PDE8B: variants seen among roughly 807,000 people sequenced by gnomAD.
PDE8B encodes the protein phosphodiesterase 8B.
Under a neutral mutation model 101.3 loss-of-function variants are expected in PDE8B, and 26 were observed. The ratio of observed to expected loss-of-function variants is 0.26; its 90% CI spans 0.19 to 0.36. PDE8B has a LOEUF of 0.36. Among genes scored for constraint, PDE8B ranks in the 10% least tolerant of loss-of-function variants. The pLI is 1.00. For missense variants in PDE8B, 810 were observed against 1,163.1 expected (o/e 0.70, Z 4.42); for synonymous variants, 424 against 429.3 (o/e 0.99, Z 0.15).
the PDE8B span, among the ~76,000 whole-genome samples, chr5:77,182,291 T>A: frequency 2.0e-5 from 3 of 149,688 alleles, no homozygotes; most frequent in Admixed American, 1.3e-4. Context: ...ACTAGATCAG[T>A]GGGTGAATTG....
At chr5:77,344,163 C>A (rs1212175969) in intron 6 of PDE8B, among the ~76,000 whole-genome samples, 1 of 152,178 alleles carries the variant, frequency 6.6e-6, no homozygotes, top group Non-Finnish European at 1.5e-5. Context: ...AATAGTATAG[C>A]AAATACATAA....
chr5:77,343,537 G>A (rs1779597192), intron 6 of PDE8B, among the ~76,000 whole-genome samples: 1 of 152,202 alleles, frequency 6.6e-6, no homozygotes, highest in Non-Finnish European at 1.5e-5. Flanking sequence ...AAGGCACTTA[G>A]CATGAATGGA....
At chr5:77,403,654 G>T (rs1417201010) in intron 11 of PDE8B, among the ~76,000 whole-genome samples, 3 of 151,926 alleles carry the variant, frequency 2.0e-5, no homozygotes, top group African/African-American at 7.2e-5. Context: ...TACTAAGGAA[G>T]ATAAAAATTA....
chr5:77,425,542 G>GA (rs1797869531), intron 20 of PDE8B, among the ~76,000 whole-genome samples: 1 of 152,162 alleles, frequency 6.6e-6, no homozygotes, highest in Non-Finnish European at 1.5e-5. Context: ...AACAGAGTGA[G>GA]ACACTGTCTC....
rs1748411673 is a variant in PDE8B at position 77,211,542 on chromosome 5, TC to T, written c.339+280del. 6.6e-6 allele frequency among the ~76,000 whole-genome samples: 1 copy of T among 152,228 alleles called. No individual in the cohort carries two copies. The highest frequency in any genetic ancestry group is 6.5e-5 in the Admixed American group (1 of 15,288). ...GAAGGAAGCAGGTGGGCTGGCCTGT[TC>T]CTCCTTGAGGGCAGGAAGGCTGTGG... On this transcript the variant is annotated intron_variant, in intron 1 of 21. Transcript: ENST00000264917. The surrounding 1 kb of genome is among the most constrained non-coding windows in gnomAD (Gnocchi z 4.1).
chr5:77,214,174 C>G (rs1304826972), intron 1 of PDE8B, among the ~76,000 whole-genome samples: 1 of 152,218 alleles, frequency 6.6e-6, no homozygotes, highest in Non-Finnish European at 1.5e-5. Context: ...GGTTGAACCT[C>G]TCTCTGGGAA....
chr5:77,416,577 C>A (rs775431398), intron 17 of PDE8B, among the ~76,000 whole-genome samples: 14 of 116,542 alleles, frequency 1.2e-4, no homozygotes, highest in Non-Finnish European at 2.1e-4. Context: ...CTTCTGCTGT[C>A]CCTATTCAGG....
chr5:77,342,303 A>G (rs1467389747), intron 6 of PDE8B, among the ~76,000 whole-genome samples: 2 of 152,172 alleles, frequency 1.3e-5, no homozygotes, highest in African/African-American at 2.4e-5. Context: ...GATCTTTACA[A>G]AAACCTGTGA....
chr5:77,270,492 C>T (rs1165752862), intron 1 of PDE8B, among the ~76,000 whole-genome samples: 1 of 152,280 alleles, frequency 6.6e-6, no homozygotes, highest in African/African-American at 2.4e-5. Context: ...TCCCCATATT[C>T]CCTCTTACCG....
intron 1 of PDE8B, among the ~76,000 whole-genome samples, chr5:77,229,681 G>A (rs1753152736): frequency 6.6e-6 from 1 of 152,058 alleles, no homozygotes; most frequent in African/African-American, 2.4e-5. Context: ...TCCTATAGAT[G>A]GACTCATACA....
rs1581129004 is a variant in PDE8B at position 77,339,369 on chromosome 5, T to C, written c.797+2054T>C. On this transcript the variant is annotated intron_variant, in intron 6 of 21. Coordinates refer to ENST00000264917, the MANE Select transcript of PDE8B (RefSeq NM_003719.5). Reference sequence around the variant, plus strand: ...GGTTTGCCTGGCACAGAGATTATCTTGCCTTCTGCACAAGTTTCAGCTGTT... The same window carrying C: ...GGTTTGCCTGGCACAGAGATTATCTCGCCTTCTGCACAAGTTTCAGCTGTT... 2.0e-5 allele frequency among the ~76,000 whole-genome samples: 3 copies of C among 152,340 alleles called. No individual in the cohort carries two copies. In the South Asian group the frequency reaches 6.2e-4, roughly 32 times the overall value.
intron 1 of PDE8B, among the ~76,000 whole-genome samples, chr5:77,234,789 C>T (rs916823107): frequency 6.6e-6 from 1 of 152,190 alleles, no homozygotes; most frequent in Admixed American, 6.5e-5. Context: ...TGATTGAGAG[C>T]TTTTGCTTAG....
the PDE8B span, among the ~76,000 whole-genome samples, chr5:77,168,172 A>G: frequency 5.9e-5 from 9 of 152,360 alleles, no homozygotes; most frequent in African/African-American, 2.2e-4. Context: ...GTCTAAGTCT[A>G]TCTCCATCCT....
intron 1 of PDE8B, among the ~76,000 whole-genome samples, chr5:77,294,738 A>G (rs1199931382): frequency 1.3e-5 from 2 of 151,208 alleles, no homozygotes; most frequent in African/African-American, 4.8e-5. Flanking sequence ...CACTGTATAG[A>G]AATTGGAAAG....
chr5:77,214,182 G>A (rs908086115), intron 1 of PDE8B, among the ~76,000 whole-genome samples: 6 of 152,216 alleles, frequency 3.9e-5, no homozygotes, highest in Admixed American at 2.6e-4. Flanking sequence ...CTCTCTCTGG[G>A]AAGAACCAGG....
intron 1 of PDE8B, among the ~76,000 whole-genome samples, chr5:77,261,295 G>A (rs1380955664): frequency 6.6e-6 from 1 of 152,132 alleles, no homozygotes; most frequent in Non-Finnish European, 1.5e-5. Flanking sequence ...GACAGGAGAA[G>A]ACAGTCACAA....
intron 6 of PDE8B, among the ~76,000 whole-genome samples, chr5:77,338,132 G>A (rs903816320): frequency 1.3e-5 from 2 of 152,192 alleles, no homozygotes; most frequent in Admixed American, 6.5e-5. Context: ...CTGTAGCATG[G>A]CCTCTCTCTC....
chr5:77,370,344 T>C (rs577682325), intron 10 of PDE8B, among the ~76,000 whole-genome samples: 8 of 152,342 alleles, frequency 5.3e-5, no homozygotes, highest in East Asian at 3.9e-4. Context: ...GAAGAAACCA[T>C]TGAGCTGATT....
rs533322508 is a variant in PDE8B, at chr5:77,241,410, G to A, written c.339+30146G>A. On this transcript the variant is annotated intron_variant, in intron 1 of 21. Coordinates refer to ENST00000264917, the MANE Select transcript of PDE8B (RefSeq NM_003719.5). ...TTTCAACAGATTTAAAGTAATTTGA[G>A]GAGGTAAACAGGCATAATCATTTTA... Among the ~76,000 whole-genome samples, 3 of 152,238 alleles carry A rather than the reference G, an allele frequency of 2.0e-5. No individual in the cohort carries two copies. In the South Asian group the frequency reaches 6.2e-4, roughly 32 times the overall value.
Sources: allele counts gnomAD v4.1 joint callset (sites outside exome capture counted in the v4.1 genomes callset), GRCh38; gene constraint gnomAD v4.1.1; non-coding constraint Gnocchi (gnomAD v3.1); transcripts MANE v1.5; gene names NCBI Gene and HGNC (gene_info 2026-07-23, HGNC 2026-07-21).